The following RPS6KA1 variants were observed in gnomAD, a reference collection of about 807,000 sequenced individuals.
The protein encoded by RPS6KA1 is ribosomal protein S6 kinase alpha-1.
A neutral mutation model predicts 91.3 loss-of-function variants in RPS6KA1; 48 were observed. That is an observed-to-expected ratio of 0.53 (90% CI 0.42 to 0.67). RPS6KA1 has a LOEUF of 0.67. Ranked by LOEUF, RPS6KA1 falls within the 30% of genes least tolerant of loss-of-function variation. The probability of loss-of-function intolerance (pLI) is 0.00; values close to 1 mark genes in which losing one functional copy is unlikely to be tolerated. For synonymous variants in RPS6KA1, 359 were observed against 384.7 expected (o/e 0.93, Z 0.78); for missense variants, 719 against 960.5 (o/e 0.75, Z 3.32).
rs750087404 is a variant in RPS6KA1 at position 26,547,146 on chromosome 1, A to G, written c.226-43A>G. The G allele has an allele frequency of 6.2e-7, 1 of 1,601,914 alleles. No homozygotes were observed. The highest frequency in any genetic ancestry group is 8.6e-7 in the Non-Finnish European group (1 of 1,169,438). On this transcript the variant is annotated intron_variant, in intron 3 of 21. Transcript: ENST00000374168. The surrounding 1 kb of genome is among the most constrained non-coding windows in gnomAD (Gnocchi z 4.1). ...AAGATAGAGGTCAGCCTGGACTCAG[A>G]CCTCTCCCATCTTCTGCCCTGCTTC... is the stretch of plus-strand genomic sequence containing the variant.
chr1:26,543,046 G>A, intron 2 of RPS6KA1: 1 of 1,130,888 alleles, frequency 8.8e-7, no homozygotes, highest in Non-Finnish European at 1.3e-6. Context: ...CCTCCCTGCA[G>A]AGGGGGAAGT....
At position 26,558,927 on chromosome 1, in the gene RPS6KA1, C is replaced by G; in HGVS notation, c.1205C>G (p.Ser402Trp). The change falls in exon 14 of 22, where the codon TCG becomes TGG. Residue 402 changes from serine (S) to tryptophan (W), a missense_variant. Physicochemically the swap from Ser to Trp is radical, Grantham distance 177. Coordinates refer to ENST00000374168, the MANE Select transcript of RPS6KA1 (RefSeq NM_002953.4). This position sits in a 1 kb window ranked among gnomAD's most constrained non-coding sequence, Gnocchi z 4.0. ...KPRAPQAPLH[S>W]VVQQLHGKNL... ...CGTGCCCCGCAGGCACCCCTGCACT[C>G]GGTGGTACAGGTGAGGGGGGCAGGG... is the stretch of plus-strand genomic sequence containing the variant. 1.2e-6 allele frequency: 2 copies of G among 1,612,530 alleles called. No homozygotes were observed. Among genetic ancestry groups the G allele is most frequent in the East Asian group, 2.2e-5 (1 of 44,838 alleles).
At position 26,546,723 on chromosome 1, in the gene RPS6KA1, C is replaced by T. The variant is rs535482854; in HGVS notation, c.109-144C>T. Reference sequence around the variant, plus strand: ...TTGAGGCTCTTTTGAAATCGATGACCCTGGAGGCTAGCCCTTCAGGGAAGT... The same window carrying T: ...TTGAGGCTCTTTTGAAATCGATGACTCTGGAGGCTAGCCCTTCAGGGAAGT... On this transcript the variant is annotated intron_variant, in intron 2 of 21. Transcript: ENST00000374168. 3.2e-5 allele frequency: 20 copies of T among 632,676 alleles called. 1 individual carries two copies. The highest frequency in any genetic ancestry group is 5.1e-5 in the Non-Finnish European group (18 of 354,410). The allele number at this position is 632,676 out of a possible 1,614,324, so 39.2% of individuals were successfully genotyped here.
In RPS6KA1 at chr1:26,574,111, C is replaced by T. The variant is rs2076275222; in HGVS notation, c.2118C>T (p.Asn706=). ...GAMAATYSAL[N]SSKPTPQLKP... ...TGGCTGCCACGTACTCCGCACTCAA[C>T]AGCTCCAAGCCCACCCCCCAGCTGA... Residue 706 remains asparagine, a synonymous_variant, in exon 22 of 22, where the codon AAC becomes AAT. Coordinates refer to ENST00000374168, the MANE Select transcript of RPS6KA1 (RefSeq NM_002953.4). This position sits in a 1 kb window ranked among gnomAD's most constrained non-coding sequence, Gnocchi z 4.3. 1.9e-6 allele frequency: 3 copies of T among 1,614,162 alleles called. No individual in the cohort carries two copies. The highest frequency in any genetic ancestry group is 2.5e-6 in the Non-Finnish European group (3 of 1,180,020).
intron 6 of RPS6KA1, 89 bp from the exon 7 acceptor site, chr1:26,553,302 C>T (rs915666963): frequency 3.4e-6 from 3 of 875,710 alleles, no homozygotes; most frequent in African/African-American, 3.3e-5. Context: ...CAGGGTGGCT[C>T]TTCAGGACCA....
chr1:26,544,094 C>G (rs1234213190), intron 2 of RPS6KA1: 1 of 456,194 alleles, frequency 2.2e-6, no homozygotes, highest in Non-Finnish European at 4.4e-6. Context: ...CAAGAACCCA[C>G]AGCTCTGCCC....
In RPS6KA1 at chr1:26,554,730, G is replaced by A; in HGVS notation, c.748G>A (p.Val250Met). 1 of 1,600,682 alleles carries A rather than the reference G, an allele frequency of 6.2e-7. No homozygotes were observed. The highest frequency in any genetic ancestry group is 8.5e-7 in the Non-Finnish European group (1 of 1,169,668). Residue 250 changes from valine (V) to methionine (M), a missense_variant, in exon 9 of 22, where the codon GTG becomes ATG. Coordinates refer to ENST00000374168, the MANE Select transcript of RPS6KA1 (RefSeq NM_002953.4). This position sits in a 1 kb window ranked among gnomAD's most constrained non-coding sequence, Gnocchi z 4.6. Reference sequence around the variant, plus strand: ...TAGTGCGGACTGGTGGTCCTATGGGGTGTTGATGGTGAGTGCCCAGACAGG... The same window carrying A: ...TAGTGCGGACTGGTGGTCCTATGGGATGTTGATGGTGAGTGCCCAGACAGG... Reference protein sequence around the residue: ...SHSADWWSYGVLMFEMLTGSL... With the variant: ...SHSADWWSYGMLMFEMLTGSL...
chr1:26,538,574 C>T (rs1303932959), intron 2 of RPS6KA1, among the ~76,000 whole-genome samples: 1 of 152,168 alleles, frequency 6.6e-6, no homozygotes, highest in Non-Finnish European at 1.5e-5. Context: ...AGAGCTTAAC[C>T]TATGCCTAGC....
chr1:26,553,502 G>A lies in RPS6KA1; in HGVS notation c.575+5G>A, dbSNP rs779372465. On this transcript the variant is annotated splice_donor_5th_base_variant and intron_variant, in intron 7 of 21. Coordinates refer to ENST00000374168, the MANE Select transcript of RPS6KA1 (RefSeq NM_002953.4). ...CAGAGACCTCAAGCCTGAGAAGTGA[G>A]TGAAGCCTCCAGCCCCACCCCAGCC... 1.2e-6 allele frequency: 2 copies of A among 1,600,766 alleles called. No individual in the cohort carries two copies. The highest frequency in any genetic ancestry group is 1.7e-6 in the Non-Finnish European group (2 of 1,168,782).
rs375217524 is a variant in RPS6KA1, at chr1:26,555,165, G to T, written c.771G>T (p.Thr257=). 6 of 1,614,074 alleles carry T rather than the reference G, an allele frequency of 3.7e-6. No individual in the cohort carries two copies. In the South Asian group the frequency reaches 6.6e-5, roughly 18 times the overall value. ...SYGVLMFEML[T]GSLPFQGKDR... ...GTCCTCTGCAGTTTGAGATGCTGACGGGCTCCCTGCCCTTCCAGGGGAAGG... is the reference window on the plus strand; with the variant it reads ...GTCCTCTGCAGTTTGAGATGCTGACTGGCTCCCTGCCCTTCCAGGGGAAGG... The change falls in exon 10 of 22, where the codon ACG becomes ACT. Residue 257 remains threonine (T), a synonymous_variant. Transcript: ENST00000374168. This position sits in a 1 kb window ranked among gnomAD's most constrained non-coding sequence, Gnocchi z 4.3.
intron 4 of RPS6KA1, among the ~76,000 whole-genome samples, chr1:26,550,594 C>T (rs1481910983): frequency 6.6e-6 from 1 of 152,226 alleles, no homozygotes; most frequent in Non-Finnish European, 1.5e-5. Context: ...GCTGGGATTA[C>T]AGGCATGAGC....
chr1:26,530,863 G>T (rs1052801338), intron 1 of RPS6KA1: 1 of 1,284,486 alleles, frequency 7.8e-7, no homozygotes, highest in African/African-American at 1.5e-5. Context: ...ATGAGCTGGT[G>T]GAAAACTTCC....
At chr1:26,543,423 G>T (rs1490548614) in intron 2 of RPS6KA1, among the ~76,000 whole-genome samples, 1 of 152,234 alleles carries the variant, frequency 6.6e-6, no homozygotes, top group East Asian at 1.9e-4. Context: ...ATGTGGGCTT[G>T]GCCCCCTCTT....
chr1:26,557,225 G>T, intron 13 of RPS6KA1, 125 bp downstream of exon 13: 1 of 707,664 alleles, frequency 1.4e-6, no homozygotes, highest in Non-Finnish European at 2.4e-6. Flanking sequence ...GTGGGCAGGC[G>T]GGTGAGTTTC....
At chr1:26,530,943 G>A in intron 1 of RPS6KA1, 1 of 1,164,202 alleles carries the variant, frequency 8.6e-7, no homozygotes, top group Non-Finnish European at 1.1e-6. Flanking sequence ...GGGTATGCAG[G>A]GAGGGAATGG....
intron 1 of RPS6KA1, among the ~76,000 whole-genome samples, chr1:26,532,562 C>T (rs1342142004): frequency 6.6e-6 from 1 of 152,202 alleles, no homozygotes; most frequent in East Asian, 1.9e-4. Context: ...CTCGTCCAGT[C>T]TTTGCCGAGG....
At chr1:26,532,735 G>A (rs1217728698) in intron 1 of RPS6KA1, among the ~76,000 whole-genome samples, 1 of 152,174 alleles carries the variant, frequency 6.6e-6, no homozygotes, top group African/African-American at 2.4e-5. Context: ...CGCTGCCCTG[G>A]GCCCCTCTTT....
intron 17 of RPS6KA1, among the ~76,000 whole-genome samples, chr1:26,562,587 G>A (rs2076162599): frequency 6.6e-6 from 1 of 152,214 alleles, no homozygotes; most frequent in African/African-American, 2.4e-5. Context: ...GCACAAGGCA[G>A]GTGAGCACTA....
rs1350009146 is a variant in RPS6KA1, at chr1:26,551,612, G to A, written c.389-32G>A. On this transcript the variant is annotated intron_variant, in intron 5 of 21. Coordinates refer to ENST00000374168, the MANE Select transcript of RPS6KA1 (RefSeq NM_002953.4). The surrounding 1 kb of genome is among the most constrained non-coding windows in gnomAD (Gnocchi z 4.5). ...GAGAAGCAGATCATAAGGCCGCGCCGACTCTACCATTGCCTTTCTCCCTCT... is the reference window on the plus strand; with the variant it reads ...GAGAAGCAGATCATAAGGCCGCGCCAACTCTACCATTGCCTTTCTCCCTCT... 3.7e-6 allele frequency: 6 copies of A among 1,608,562 alleles called. No homozygotes were observed. The highest frequency in any genetic ancestry group is 1.7e-4 in the Middle Eastern group (1 of 6,056).
Sources: allele counts gnomAD v4.1 joint callset (sites outside exome capture counted in the v4.1 genomes callset), GRCh38; gene constraint gnomAD v4.1.1; non-coding constraint Gnocchi (gnomAD v3.1); transcripts MANE v1.5; gene names NCBI Gene and HGNC (gene_info 2026-07-23, HGNC 2026-07-21).